PKM: variants seen among roughly 807,000 people sequenced by gnomAD.
The protein encoded by PKM is pyruvate kinase M1/2, also known as pyruvate kinase PKM.
PKM carries 18 observed loss-of-function variants against 49.8 expected under a neutral mutation model. That is an observed-to-expected ratio of 0.36 (90% CI 0.25 to 0.54). The LOEUF (loss-of-function observed/expected upper bound fraction) is 0.54, where lower values mean the gene tolerates loss of function less well. Among genes scored for constraint, PKM ranks in the 20% least tolerant of loss-of-function variants. The pLI is 0.89. For missense variants in PKM, 508 were observed against 713.8 expected, an observed-to-expected ratio of 0.71 and a Z score of 3.28; for synonymous variants, 239 against 261.8, an observed-to-expected ratio of 0.91 and a Z score of 0.84.
intron 1 of PKM, among the ~76,000 whole-genome samples, chr15:72,227,995 C>T (rs548552794): frequency 6.6e-6 from 1 of 152,186 alleles, no homozygotes; most frequent in East Asian, 1.9e-4. Flanking sequence ...AAAGTGCTAG[C>T]TGTTTAGAGT....
intron 1 of PKM, among the ~76,000 whole-genome samples, chr15:72,230,500 C>T (rs1480411419): frequency 6.6e-6 from 1 of 151,694 alleles, no homozygotes; most frequent in African/African-American, 2.4e-5. Context: ...ACACGCCAGG[C>T]GAGGAAGGGG....
intron 5 of PKM, among the ~76,000 whole-genome samples, chr15:72,209,146 C>A (rs1030193482): frequency 4.6e-5 from 7 of 152,034 alleles, no homozygotes; most frequent in Non-Finnish European, 1.0e-4. Context: ...GCAGGCAGAT[C>A]ACCTGAGGTC....
In PKM at chr15:72,208,748, C is replaced by T. The variant is rs1268934903; in HGVS notation, c.709G>A (p.Val237Ile). 4 of 1,614,174 alleles carry T rather than the reference C, an allele frequency of 2.5e-6. No individual in the cohort carries two copies. The highest frequency in any genetic ancestry group is 3.3e-5 in the Admixed American group (2 of 60,022). ...QDLKFGVEQD[V>I]DMVFASFIRK... The stretch of plus-strand genomic sequence containing the variant: ...ATGAATGACGCAAACACCATATCAA[C>T]ATCCTGCTCGACCCCAAACTTCAGA... The change falls in exon 6 of 11, where the codon GTT (valine) becomes ATT (isoleucine). Residue 237 changes from valine to isoleucine, a missense_variant. Coordinates refer to ENST00000335181, the MANE Select transcript of PKM (RefSeq NM_002654.6).
At chr15:72,221,293 G>C in intron 1 of PKM, 1 of 1,502,462 alleles carries the variant, frequency 6.7e-7, no homozygotes. Flanking sequence ...AGCTGCACAA[G>C]GATTAAGGAA....
chr15:72,230,915 C>G, intron 1 of PKM: 1 of 1,286,342 alleles, frequency 7.8e-7, no homozygotes, highest in Non-Finnish European at 1.0e-6. Flanking sequence ...CTGGAAGGAA[C>G]GGCGCTGGGG....
Position 72,202,337 on chromosome 15 carries a change from G to A in PKM, c.1307+117C>T. On this transcript the variant is annotated intron_variant, in intron 9 of 10. Coordinates refer to ENST00000335181, the MANE Select transcript of PKM (RefSeq NM_002654.6). The surrounding 1 kb of genome is among the most constrained non-coding windows in gnomAD (Gnocchi z 4.5). ...CCCTGCAGGCCCAAGGTGGCAGGCA[G>A]AGGGGTCTTACCTTGGCTCAGTGCC... 9.4e-7 allele frequency: 1 copy of A among 1,067,860 alleles called. No homozygotes were observed. The highest frequency in any genetic ancestry group is 1.6e-5 in the African/African-American group (1 of 64,110). 66.1% of individuals were successfully genotyped at this position (1,067,860 alleles called of 1,614,324 possible). A position where few individuals can be genotyped will look rare whatever the true frequency, so the allele number is the denominator to read the frequency against.
intron 1 of PKM, among the ~76,000 whole-genome samples, chr15:72,223,090 T>C (rs1209127519): frequency 1.3e-5 from 2 of 150,832 alleles, no homozygotes; most frequent in Non-Finnish European, 3.0e-5. Flanking sequence ...TGTGATTATA[T>C]TATATTATAG....
chr15:72,226,885 C>G (rs566832783), intron 1 of PKM, among the ~76,000 whole-genome samples: 1 of 152,238 alleles, frequency 6.6e-6, no homozygotes, highest in African/African-American at 2.4e-5. Context: ...TACGTGCAGA[C>G]AAGCACAAAC....
At position 72,217,424 on chromosome 15, in the gene PKM, A is replaced by C; in HGVS notation, c.231T>G (p.Ser77=). 2.5e-6 allele frequency: 4 copies of C among 1,608,056 alleles called. No individual in the cohort carries two copies. The highest frequency in any genetic ancestry group is 3.4e-6 in the Non-Finnish European group (4 of 1,174,562). Residue 77 remains serine (S), a synonymous_variant, in exon 3 of 11, where the codon TCT becomes TCG. Transcript: ENST00000335181. ...CACAGCTCACCTCATGAGTTCCATG[A>C]GAGAAGTTCAGACGAGCCACATTCA... is the stretch of plus-strand genomic sequence containing the variant. ...SGMNVARLNF[S]HGTHEYHAET... is the part of the protein sequence containing the mutation.
chr15:72,206,403 G>A lies in PKM; in HGVS notation c.1140+325C>T, dbSNP rs181697243. The A allele has an allele frequency of 4.7e-4, 174 of 370,382 alleles. 4 individuals are homozygous for A. The East Asian group carries it at 9.0e-3, about 19-fold the overall frequency. 22.9% of individuals were successfully genotyped at this position (370,382 alleles called of 1,614,324 possible). ...AAGAGGTACAAGACCTCCTTTCACT[G>A]CAGAAGTATCCCAGGACTTAAGCCA... On this transcript the variant is annotated intron_variant, in intron 8 of 10. Transcript: ENST00000335181.
chr15:72,230,058 C>G (rs1043163641), intron 1 of PKM, among the ~76,000 whole-genome samples: 1 of 152,208 alleles, frequency 6.6e-6, no homozygotes, highest in African/African-American at 2.4e-5. Flanking sequence ...CCCGGTGAAG[C>G]GGGGTGGGCC....
chr15:72,224,044 T>C (rs2082596896), intron 1 of PKM, among the ~76,000 whole-genome samples: 1 of 152,106 alleles, frequency 6.6e-6, no homozygotes, highest in African/African-American at 2.4e-5. Flanking sequence ...TGATGCTAAA[T>C]GGGCCTACTT....
intron 3 of PKM, among the ~76,000 whole-genome samples, chr15:72,212,001 C>T (rs573972399): frequency 6.6e-6 from 1 of 152,298 alleles, no homozygotes; most frequent in African/African-American, 2.4e-5. Flanking sequence ...CTGGAGGGAG[C>T]TGGAGCCAGA....
At position 72,200,132 on chromosome 15, in the gene PKM, TA is replaced by T. The variant is rs112761283; in HGVS notation, c.1489+341del. Among the ~76,000 whole-genome samples the T allele has an allele frequency of 2.9e-4, 42 of 146,080 alleles. 1 individual carries two copies. The highest frequency in any genetic ancestry group is 1.6e-3 in the Admixed American group (23 of 14,608). On this transcript the variant is annotated intron_variant, in intron 10 of 10. Transcript: ENST00000335181. The surrounding 1 kb of genome is among the most constrained non-coding windows in gnomAD (Gnocchi z 4.6). The stretch of plus-strand genomic sequence containing the variant: ...CACAGGAGCTGTGGCCAATTTTATT[TA>T]AAAAAAAAACAAAAAACAAAAAAAA...
At chr15:72,230,723 G>A (rs1262280655) in intron 1 of PKM, among the ~76,000 whole-genome samples, 2 of 152,120 alleles carry the variant, frequency 1.3e-5, no homozygotes. Context: ...AGGAAGAGGG[G>A]AAAACGAGCA....
rs755940074 is a variant in PKM at position 72,230,949 on chromosome 15, C to T, written c.-14+167G>A. On this transcript the variant is annotated intron_variant, in intron 1 of 10. Transcript: ENST00000335181. ...GGACTTCTGAAGAGCAGGCCCCAGG[C>T]GTGAGGAGCCGTTCTCCTCTCTCTG... The T allele has an allele frequency of 3.9e-6, 5 of 1,286,824 alleles. No homozygotes were observed. The South Asian group carries it at 4.9e-5, about 13-fold the overall frequency. The allele number at this position is 1,286,824 out of a possible 1,614,324, so 79.7% of individuals were successfully genotyped here. A position where few individuals can be genotyped will look rare whatever the true frequency, so the allele number is the denominator to read the frequency against.
rs950417479 is a variant in PKM at position 72,220,653 on chromosome 15, A to C, written c.-13-1543T>G. ...TATCTACTACGTACCAAAATGAAAA[A>C]ATCAATCCTCCCTTCCAGGACCTAT... On this transcript the variant is annotated intron_variant, in intron 1 of 10. Coordinates refer to ENST00000335181, the MANE Select transcript of PKM (RefSeq NM_002654.6). 2.0e-5 allele frequency among the ~76,000 whole-genome samples: 3 copies of C among 152,344 alleles called. No homozygotes were observed. In the South Asian group the frequency reaches 6.2e-4, roughly 32 times the overall value.
chr15:72,217,562 T>C (rs2082407061), intron 2 of PKM, 62 bp from the exon 3 acceptor site: 1 of 1,124,404 alleles, frequency 8.9e-7, no homozygotes, highest in Non-Finnish European at 1.3e-6. Context: ...AACATTTAAG[T>C]TTGCTTAAGT....
chr15:72,222,929 T>C (rs941879368), intron 1 of PKM, among the ~76,000 whole-genome samples: 1 of 152,234 alleles, frequency 6.6e-6, no homozygotes, highest in Admixed American at 6.5e-5. Flanking sequence ...TAGTTTCCTT[T>C]GTGTCAGACA....
Sources: gnomAD v4.1 joint callset for allele counts (sites outside exome capture counted in the v4.1 genomes callset) on GRCh38, gnomAD v4.1.1 for gene constraint, Gnocchi (gnomAD v3.1) non-coding constraint, MANE v1.5 for transcripts, NCBI Gene and HGNC (gene_info 2026-07-23, HGNC 2026-07-21) for gene names.